The following VGLL4 variants were observed in gnomAD, a reference collection of about 807,000 sequenced individuals.
The protein encoded by VGLL4 is vestigial like family member 4.
A neutral mutation model predicts 21.0 loss-of-function variants in VGLL4; 7 were observed. That is an observed-to-expected ratio of 0.33 (90% CI 0.19 to 0.63). VGLL4 has a LOEUF of 0.63. VGLL4 is among the 20% of genes least tolerant of loss of function. The probability of loss-of-function intolerance (pLI) is 0.78; values close to 1 mark genes in which losing one functional copy is unlikely to be tolerated. For missense variants in VGLL4, 394 were observed against 425.7 expected (o/e 0.93, Z 0.66); for synonymous variants, 222 against 173.2 (o/e 1.28, Z -2.21).
At chr3:11,572,944 G>C (rs902667036) in intron 2 of VGLL4, among the ~76,000 whole-genome samples, 2 of 152,058 alleles carry the variant, frequency 1.3e-5, no homozygotes, top group African/African-American at 4.8e-5. Flanking sequence ...GAGACAGGTG[G>C]ATCACCTGAG....
Position 11,565,122 on chromosome 3 carries a change from G to A in VGLL4, c.273-103C>T, listed in dbSNP as rs1412866014. The A allele has an allele frequency of 1.7e-6, 2 of 1,164,754 alleles. No homozygotes were observed. Among genetic ancestry groups the A allele is most frequent in the Non-Finnish European group, 2.3e-6 (2 of 888,462 alleles). The allele number at this position is 1,164,754 out of a possible 1,614,324, so 72.2% of individuals were successfully genotyped here. On this transcript the variant is annotated intron_variant, in intron 2 of 4. Transcript: ENST00000430365. The surrounding 1 kb of genome is among the most constrained non-coding windows in gnomAD (Gnocchi z 4.1). ...TGTTGCTTATTTAATTTTTTACCCT[G>A]AAGCTCAGGTCGTGTGGCTGGGCAG...
chr3:11,673,186 A>G (rs2076241585), intron 2 of VGLL4, among the ~76,000 whole-genome samples: 1 of 152,236 alleles, frequency 6.6e-6, no homozygotes, highest in African/African-American at 2.4e-5. Flanking sequence ...TGGAAGATAG[A>G]GACCAAGTTA....
chr3:11,673,527 T>C (rs867234932), intron 2 of VGLL4, among the ~76,000 whole-genome samples: 8 of 152,164 alleles, frequency 5.3e-5, no homozygotes, highest in South Asian at 4.2e-4. Context: ...TATGAAAATA[T>C]ATCAGTGGAA....
intron 2 of VGLL4, among the ~76,000 whole-genome samples, chr3:11,655,020 A>G (rs2075935468): frequency 6.6e-6 from 1 of 152,188 alleles, no homozygotes; most frequent in Non-Finnish European, 1.5e-5. Flanking sequence ...TGGATCTTCT[A>G]TTTGAGGCTT....
intron 2 of VGLL4, among the ~76,000 whole-genome samples, chr3:11,589,810 G>A (rs1280976176): frequency 3.9e-5 from 6 of 152,140 alleles, no homozygotes; most frequent in African/African-American, 1.4e-4. Context: ...AAGCAAGATC[G>A]CTGTTTCTTC....
chr3:11,673,058 C>G (rs906879339), intron 2 of VGLL4, among the ~76,000 whole-genome samples: 1 of 152,162 alleles, frequency 6.6e-6, no homozygotes, highest in African/African-American at 2.4e-5. Flanking sequence ...CCTCAGAGAT[C>G]ACCCAACATT....
At chr3:11,690,934 A>C (rs1268138502) in intron 2 of VGLL4, among the ~76,000 whole-genome samples, 5 of 152,182 alleles carry the variant, frequency 3.3e-5, no homozygotes, top group Non-Finnish European at 5.9e-5. Flanking sequence ...GTATAACATA[A>C]ATATTTAAGA....
At chr3:11,561,891 CTTTTTTTTTT>C (rs35380668) in intron 3 of VGLL4, among the ~76,000 whole-genome samples, 1 of 88,610 alleles carries the variant, frequency 1.1e-5, no homozygotes, top group South Asian at 5.0e-4. Flanking sequence ...CTGCGCCAAA[CTTTTTTTTTT>C]TTTTTTTTTT....
At chr3:11,587,944 G>C (rs1005029510) in intron 2 of VGLL4, among the ~76,000 whole-genome samples, 1 of 152,218 alleles carries the variant, frequency 6.6e-6, no homozygotes, top group Admixed American at 6.5e-5. Context: ...TGAACCTCGC[G>C]CATGTGTGCG....
intron 1 of VGLL4, among the ~76,000 whole-genome samples, chr3:11,630,466 G>T (rs1031903773): frequency 8.5e-5 from 13 of 152,142 alleles, no homozygotes; most frequent in Non-Finnish European, 1.6e-4. Flanking sequence ...CCAACATGGT[G>T]TGACCCTGGC....
intron 2 of VGLL4, among the ~76,000 whole-genome samples, chr3:11,688,430 G>A (rs1029447164): frequency 2.0e-5 from 3 of 152,092 alleles, no homozygotes; most frequent in African/African-American, 4.8e-5. Flanking sequence ...TTTTTACCAT[G>A]ATTATTGACC....
chr3:11,615,022 C>T (rs1239215859), intron 1 of VGLL4, among the ~76,000 whole-genome samples: 1 of 152,270 alleles, frequency 6.6e-6, no homozygotes, highest in East Asian at 1.9e-4. Context: ...CATGCATACA[C>T]GTTTTCTTGC....
chr3:11,680,633 G>A (rs192519607), intron 2 of VGLL4, among the ~76,000 whole-genome samples: 148 of 152,252 alleles, frequency 9.7e-4, no homozygotes, highest in Non-Finnish European at 1.6e-3. Context: ...ACACACTGAT[G>A]CCAACTTCCT....
In VGLL4 at chr3:11,556,082, CT is replaced by C. The variant is rs756026461; in HGVS notation, c.*2473del. The C allele has an allele frequency of 6.6e-6, 1 of 152,642 alleles. No individual in the cohort carries two copies. Among genetic ancestry groups the C allele is most frequent in the Non-Finnish European group, 1.5e-5 (1 of 68,036 alleles). The allele number at this position is 152,642 out of a possible 1,614,324, so 9.5% of individuals were successfully genotyped here. A position where few individuals can be genotyped will look rare whatever the true frequency, so the allele number is the denominator to read the frequency against. ...ACGTACACTATGTGGTTTAAGAGCACTTTATTATTGTTCTTAAGGCTACTTT... is the reference window on the plus strand; with the variant it reads ...ACGTACACTATGTGGTTTAAGAGCACTTATTATTGTTCTTAAGGCTACTTT... On this transcript the variant is annotated 3_prime_UTR_variant, in exon 5 of 5. Transcript: ENST00000430365.
At chr3:11,697,642 A>G (rs888790919) in intron 2 of VGLL4, among the ~76,000 whole-genome samples, 2 of 152,184 alleles carry the variant, frequency 1.3e-5, no homozygotes, top group Non-Finnish European at 2.9e-5. Flanking sequence ...GCAACTAAAC[A>G]TTACGTTATC....
At chr3:11,560,583 G>A (rs1008570875) in intron 3 of VGLL4, among the ~76,000 whole-genome samples, 1 of 152,226 alleles carries the variant, frequency 6.6e-6, no homozygotes, top group Non-Finnish European at 1.5e-5. Context: ...GATTGGGAAT[G>A]GTGAAAGTGG....
In VGLL4 at chr3:11,666,035, G is replaced by A. The variant is rs572932420; in HGVS notation, c.64+36936C>T. Among the ~76,000 whole-genome samples the A allele has an allele frequency of 1.4e-4, 21 of 152,212 alleles. No homozygotes were observed. The East Asian group carries it at 1.6e-3, about 11-fold the overall frequency. On this transcript the variant is annotated intron_variant, in intron 2 of 5. Coordinates refer to the VGLL4 transcript ENST00000273038. ...GGAGGCCGAGGCGGGCGGATCACGAGGTCAGGAGATCGAGACCATCCTGGC... is the reference window on the plus strand; with the variant it reads ...GGAGGCCGAGGCGGGCGGATCACGAAGTCAGGAGATCGAGACCATCCTGGC...
chr3:11,609,904 A>C (rs570255561), intron 1 of VGLL4, among the ~76,000 whole-genome samples: 5 of 152,364 alleles, frequency 3.3e-5, no homozygotes, highest in Admixed American at 2.6e-4. Flanking sequence ...GTAACTTTTA[A>C]GGATAGATTT....
intron 1 of VGLL4, among the ~76,000 whole-genome samples, chr3:11,711,515 C>T (rs918121887): frequency 6.7e-6 from 1 of 150,200 alleles, no homozygotes; most frequent in Admixed American, 6.6e-5. Flanking sequence ...TGCAGTGAGC[C>T]GAGGTTGCGC....
Sources: gnomAD v4.1 joint callset for allele counts (sites outside exome capture counted in the v4.1 genomes callset) on GRCh38, gnomAD v4.1.1 for gene constraint, Gnocchi (gnomAD v3.1) non-coding constraint, MANE v1.5 for transcripts, NCBI Gene and HGNC (gene_info 2026-07-23, HGNC 2026-07-21) for gene names.